The following DHRS9 variants were observed in gnomAD, a reference collection of about 807,000 sequenced individuals.
The protein encoded by DHRS9 is dehydrogenase/reductase 9, also known as dehydrogenase/reductase SDR family member 9.
A neutral mutation model predicts 26.6 loss-of-function variants in DHRS9; 18 were observed. The observed-to-expected ratio is 0.68, with a 90% CI of 0.47 to 1.00. The LOEUF (loss-of-function observed/expected upper bound fraction) is 1.00, where lower values mean the gene tolerates loss of function less well. DHRS9 is among the 50% of genes least tolerant of loss of function. The pLI is 0.00. For synonymous variants in DHRS9, 134 were observed against 141.1 expected (o/e 0.95, Z 0.36); for missense variants, 425 against 378.7 (o/e 1.12, Z -1.01).
intron 3 of DHRS9, among the ~76,000 whole-genome samples, chr2:169,085,488 T>C (rs2105295688): frequency 6.6e-6 from 1 of 152,302 alleles, no homozygotes; most frequent in East Asian, 1.9e-4. Context: ...CCACTTTTTG[T>C]ATCCTCTTCA....
chr2:169,095,505 C>T, intron 4 of DHRS9, 39 bp from the exon 5 acceptor site: 1 of 1,558,164 alleles, frequency 6.4e-7, no homozygotes. Context: ...CTGCTTTCCC[C>T]TTCTACCAAA....
chr2:169,080,045 G>GAAAGAAAGAA (rs1684134413), intron 1 of DHRS9, among the ~76,000 whole-genome samples: 2 of 136,148 alleles, frequency 1.5e-5, no homozygotes, highest in Non-Finnish European at 3.2e-5. Context: ...AAGAAAGAAA[G>GAAAGAAAGAA]AAAGAAAATA....
At chr2:169,089,926 C>G (rs1274090863) in intron 3 of DHRS9, among the ~76,000 whole-genome samples, 1 of 152,132 alleles carries the variant, frequency 6.6e-6, no homozygotes, top group African/African-American at 2.4e-5. Flanking sequence ...CCATTGGTCT[C>G]TTTGGTTGAC....
At chr2:169,070,288 G>GA in intron 1 of DHRS9, 2 of 985,442 alleles carry the variant, frequency 2.0e-6, no homozygotes, top group East Asian at 1.1e-4. Context: ...GGATCCAGGG[G>GA]TGGCAGCAAT....
chr2:169,074,341 T>G (rs1316285772), intron 1 of DHRS9: 4 of 985,428 alleles, frequency 4.1e-6, no homozygotes, highest in Non-Finnish European at 4.8e-6. Context: ...GCCTGCTTGC[T>G]TCTGAGGTCT....
intron 1 of DHRS9, chr2:169,070,611 T>A (rs2105276444): frequency 2.0e-6 from 2 of 984,724 alleles, no homozygotes; most frequent in Non-Finnish European, 2.4e-6. Context: ...CTTTCTATTC[T>A]ATTTTTAATA....
chr2:169,081,580 A>T lies in DHRS9; in HGVS notation c.-2A>T, dbSNP rs960195051. The T allele has an allele frequency of 3.7e-6, 6 of 1,613,136 alleles. No individual in the cohort carries two copies. The African/African-American group carries it at 8.0e-5, about 22-fold the overall frequency. ...GTGTACCTATCACACACAGGGGGAAAAATGCTCTTTTGGGTGCTAGGCCTC... is the reference window on the plus strand; with the variant it reads ...GTGTACCTATCACACACAGGGGGAATAATGCTCTTTTGGGTGCTAGGCCTC... On this transcript the variant is annotated 5_prime_UTR_variant, in exon 2 of 5. Coordinates refer to ENST00000674881, the MANE Select transcript of DHRS9 (RefSeq NM_001376924.1).
At chr2:169,070,096 C>T (rs907568357) in intron 1 of DHRS9, 8 of 985,310 alleles carry the variant, frequency 8.1e-6, no homozygotes, top group African/African-American at 3.5e-5. Context: ...AGATGAGTTT[C>T]TTACTGAAGC....
chr2:169,072,304 A>G (rs1323493851), intron 1 of DHRS9, among the ~76,000 whole-genome samples: 1 of 152,224 alleles, frequency 6.6e-6, no homozygotes, highest in African/African-American at 2.4e-5. Flanking sequence ...AAGTAAATAA[A>G]GATTCTACAA....
intron 3 of DHRS9, among the ~76,000 whole-genome samples, chr2:169,088,666 G>A (rs552696016): frequency 1.2e-3 from 179 of 152,214 alleles, no homozygotes; most frequent in Middle Eastern, 3.4e-3. Flanking sequence ...ATTAATTTGC[G>A]CAAGGTCACC....
Position 169,069,678 on chromosome 2 carries a change from TCCA to T in DHRS9, c.-95_-93del. The T allele has an allele frequency of 1.0e-6, 1 of 985,452 alleles. No individual in the cohort carries two copies. Among genetic ancestry groups the T allele is most frequent in the Non-Finnish European group, 1.2e-6 (1 of 829,928 alleles). 61.0% of individuals were successfully genotyped at this position (985,452 alleles called of 1,614,324 possible). On this transcript the variant is annotated 5_prime_UTR_variant, in exon 1 of 5. Transcript: ENST00000674881. Reference sequence around the variant, plus strand: ...GGAAAGCTGCCATCAGCTGAGCAAGTCCACCAACAGTTTCTGTGTCCCACTTCA... The same window carrying T: ...GGAAAGCTGCCATCAGCTGAGCAAGTCCAACAGTTTCTGTGTCCCACTTCA...
chr2:169,079,979 G>GAA (rs1558951539), intron 1 of DHRS9, among the ~76,000 whole-genome samples: 3 of 58,164 alleles, frequency 5.2e-5, no homozygotes, highest in Non-Finnish European at 7.0e-5. Context: ...GAGAGAGAGA[G>GAA]AGAGAGAAAG....
At chr2:169,075,128 G>A (rs1683926295) in intron 1 of DHRS9, among the ~76,000 whole-genome samples, 1 of 152,134 alleles carries the variant, frequency 6.6e-6, no homozygotes, top group South Asian at 2.1e-4. Context: ...CACTCCAAAA[G>A]TCTGGGGTTC....
chr2:169,077,543 T>C (rs1303027392), intron 1 of DHRS9, among the ~76,000 whole-genome samples: 2 of 152,050 alleles, frequency 1.3e-5, no homozygotes, highest in Non-Finnish European at 2.9e-5. Context: ...GCAATACAAA[T>C]ACTACTGCGG....
intron 3 of DHRS9, among the ~76,000 whole-genome samples, chr2:169,087,021 G>A (rs892740135): frequency 5.9e-5 from 9 of 152,190 alleles, no homozygotes; most frequent in African/African-American, 2.2e-4. Flanking sequence ...CAATTAGCAG[G>A]TGGTGAAGCC....
chr2:169,075,410 T>C (rs1683935137), intron 1 of DHRS9, among the ~76,000 whole-genome samples: 1 of 152,182 alleles, frequency 6.6e-6, no homozygotes, highest in Non-Finnish European at 1.5e-5. Context: ...TGTTTGAGAG[T>C]AAGTTGAAGA....
At chr2:169,085,628 T>C (rs952417688) in intron 3 of DHRS9, among the ~76,000 whole-genome samples, 2 of 152,174 alleles carry the variant, frequency 1.3e-5, no homozygotes, top group African/African-American at 4.8e-5. Flanking sequence ...TTTGGATTGT[T>C]TGCTGTTGGC....
intron 3 of DHRS9, among the ~76,000 whole-genome samples, chr2:169,089,147 A>G (rs1289282967): frequency 6.6e-6 from 1 of 152,218 alleles, no homozygotes; most frequent in African/African-American, 2.4e-5. Flanking sequence ...TGTGTGAGGT[A>G]TCTACTGAAA....
chr2:169,087,714 G>A (rs1429940978), intron 3 of DHRS9, among the ~76,000 whole-genome samples: 1 of 152,114 alleles, frequency 6.6e-6, no homozygotes, highest in East Asian at 1.9e-4. Flanking sequence ...AATGAATTTT[G>A]CTAGGACTAA....
Sources: gnomAD v4.1 joint callset for allele counts (sites outside exome capture counted in the v4.1 genomes callset) on GRCh38, gnomAD v4.1.1 for gene constraint, MANE v1.5 for transcripts, NCBI Gene and HGNC (gene_info 2026-07-23, HGNC 2026-07-21) for gene names.